The following IL1RAPL2 variants were observed in gnomAD, a reference collection of about 807,000 sequenced individuals.
The protein encoded by IL1RAPL2 is interleukin 1 receptor accessory protein like 2.
Under a neutral mutation model 44.1 loss-of-function variants are expected in IL1RAPL2, and 3 were observed. The ratio of observed to expected loss-of-function variants is 0.07; its 90% CI spans 0.03 to 0.18. The LOEUF is 0.18. Among genes scored for constraint, IL1RAPL2 ranks in the 10% least tolerant of loss-of-function variants. The pLI, the probability that IL1RAPL2 is intolerant of heterozygous loss-of-function variation, is 1.00. For missense variants in IL1RAPL2, 391 were observed against 496.4 expected (o/e 0.79, Z 2.02); for synonymous variants, 181 against 178.8 (o/e 1.01, Z -0.10).
At chrX:104,761,969 CTT>C (rs1569309960) in intron 2 of IL1RAPL2, among the ~76,000 whole-genome samples, 11 of 97,607 alleles carry the variant, frequency 1.1e-4, no homozygotes, top group East Asian at 6.3e-4. Flanking sequence ...TCTTCTTCTT[CTT>C]CTTCTTCTTC....
intron 1 of IL1RAPL2, among the ~76,000 whole-genome samples, chrX:104,604,236 C>A (rs750416265): frequency 9.0e-6 from 1 of 111,616 alleles, no homozygotes; most frequent in African/African-American, 3.3e-5. Context: ...AAATAAAGTC[C>A]GTTACAGACA....
chrX:105,420,795 C>A (rs2035768703), intron 5 of IL1RAPL2, among the ~76,000 whole-genome samples: 1 of 111,119 alleles, frequency 9.0e-6, no homozygotes, highest in African/African-American at 3.3e-5. Context: ...GACTGACAAG[C>A]CCCACTAGCC....
intron 6 of IL1RAPL2, among the ~76,000 whole-genome samples, chrX:105,557,308 GA>G (rs2036903305): frequency 9.0e-6 from 1 of 111,416 alleles, no homozygotes; most frequent in African/African-American, 3.3e-5. Context: ...AGAGACACAG[GA>G]ATAACACAAT....
Position 105,297,596 on chromosome X carries a change from A to G in IL1RAPL2, c.697+30055A>G, listed in dbSNP as rs373689054. Reference sequence around the variant, plus strand: ...GGGAGAAGCGCCAGACACTTATCAAACAACCAGATCTCATGAGAACTCCTT... The same window carrying G: ...GGGAGAAGCGCCAGACACTTATCAAGCAACCAGATCTCATGAGAACTCCTT... On this transcript the variant is annotated intron_variant, in intron 5 of 10. Transcript: ENST00000372582. 6.3e-5 allele frequency among the ~76,000 whole-genome samples: 7 copies of G among 110,687 alleles called. 2 individuals are homozygous for G. The highest frequency in any genetic ancestry group is 2.9e-4 in the Admixed American group (3 of 10,318).
intron 5 of IL1RAPL2, among the ~76,000 whole-genome samples, chrX:105,348,411 A>C (rs1178263309): frequency 8.9e-6 from 1 of 112,198 alleles, no homozygotes; most frequent in East Asian, 2.8e-4. Context: ...AACAGTCACT[A>C]TTTCATAGAG....
rs146033399 is a variant in IL1RAPL2, at chrX:105,295,734, T to C, written c.697+28193T>C. ...GCACATTGGCTCATGATATAAAATA[T>C]ATTTATTACTATGGCTTGTGGTAAA... On this transcript the variant is annotated intron_variant, in intron 5 of 10. Transcript: ENST00000372582. 3.4e-3 allele frequency among the ~76,000 whole-genome samples: 386 copies of C among 112,096 alleles called. 2 individuals are homozygous for C. Among genetic ancestry groups the C allele is most frequent in the African/African-American group, 0.012 (367 of 30,816 alleles).
chrX:105,554,360 T>C (rs1437417452), intron 6 of IL1RAPL2, among the ~76,000 whole-genome samples: 2 of 112,704 alleles, frequency 1.8e-5, no homozygotes, highest in Admixed American at 9.4e-5. Flanking sequence ...TAATTTTTAA[T>C]TTATATAATT....
chrX:104,771,995 C>T (rs974023140), intron 2 of IL1RAPL2, among the ~76,000 whole-genome samples: 1 of 111,721 alleles, frequency 9.0e-6, no homozygotes, highest in Non-Finnish European at 1.9e-5. Context: ...ACATATATCC[C>T]CATTTTGAAG....
At chrX:105,611,543 G>A (rs909522939) in intron 6 of IL1RAPL2, among the ~76,000 whole-genome samples, 1 of 111,539 alleles carries the variant, frequency 9.0e-6, no homozygotes, top group Admixed American at 9.6e-5. Flanking sequence ...TGCAATTGGT[G>A]TTACAATTGC....
chrX:105,383,144 G>A lies in IL1RAPL2; in HGVS notation c.698-101169G>A, dbSNP rs375330715. ...TAAAAAAAAAGAAAATCACATGAAC[G>A]CAAAAATAAAAAAAAAAACTATAGT... On this transcript the variant is annotated intron_variant, in intron 5 of 10. Transcript: ENST00000372582. Among the ~76,000 whole-genome samples, 75 of 107,143 alleles carry A rather than the reference G, an allele frequency of 7.0e-4. 2 individuals carry two copies. Among genetic ancestry groups the A allele is most frequent in the Middle Eastern group, 9.6e-3 (2 of 208 alleles). 93.0% of individuals were successfully genotyped at this position (107,143 alleles called of 115,157 possible).
At chrX:105,530,144 G>T (rs1339577454) in intron 6 of IL1RAPL2, among the ~76,000 whole-genome samples, 1 of 112,164 alleles carries the variant, frequency 8.9e-6, no homozygotes, top group Non-Finnish European at 1.9e-5. Context: ...CCACTTAACT[G>T]TTTTCCACAG....
At chrX:104,943,122 G>A (rs1010272735) in intron 2 of IL1RAPL2, among the ~76,000 whole-genome samples, 4 of 111,169 alleles carry the variant, frequency 3.6e-5, no homozygotes, top group Non-Finnish European at 7.6e-5. Flanking sequence ...ATTTTTCATC[G>A]ATGTTCATCA....
At chrX:105,021,440 G>A (rs1026802804) in intron 2 of IL1RAPL2, among the ~76,000 whole-genome samples, 1 of 110,700 alleles carries the variant, frequency 9.0e-6, no homozygotes, top group Non-Finnish European at 1.9e-5. Context: ...ATGGGTGGCC[G>A]TGGGGCTTAT....
At chrX:105,494,663 C>T (rs747934567) in intron 6 of IL1RAPL2, among the ~76,000 whole-genome samples, 8 of 110,330 alleles carry the variant, frequency 7.3e-5, no homozygotes, top group Non-Finnish European at 1.3e-4. Context: ...AATTTTGGTC[C>T]CTTTTTGGGG....
chrX:105,247,119 G>A (rs1460344957), intron 4 of IL1RAPL2, among the ~76,000 whole-genome samples: 4 of 111,473 alleles, frequency 3.6e-5, no homozygotes, highest in African/African-American at 1.3e-4. Flanking sequence ...CAAGGGATAT[G>A]TGGGAGAGAG....
intron 5 of IL1RAPL2, among the ~76,000 whole-genome samples, chrX:105,288,927 T>C (rs1301541484): frequency 9.0e-6 from 1 of 111,279 alleles, no homozygotes; most frequent in Non-Finnish European, 1.9e-5. Context: ...AGTATGCTTT[T>C]TGGGGTTGTT....
At chrX:105,384,852 T>A (rs767874056) in intron 5 of IL1RAPL2, among the ~76,000 whole-genome samples, 1 of 111,434 alleles carries the variant, frequency 9.0e-6, no homozygotes, top group East Asian at 2.8e-4. Flanking sequence ...TCTTAGGTAA[T>A]TATTTTGTAG....
chrX:104,867,236 C>CAAAA (rs35810207), intron 2 of IL1RAPL2, among the ~76,000 whole-genome samples: 1 of 43,776 alleles, frequency 2.3e-5, no homozygotes, highest in Non-Finnish European at 4.0e-5. Context: ...GTCTCTGTCT[C>CAAAA]AAAAAAAAAA....
chrX:105,668,106 G>T (rs2037786782), intron 6 of IL1RAPL2, among the ~76,000 whole-genome samples: 1 of 106,240 alleles, frequency 9.4e-6, no homozygotes, highest in Non-Finnish European at 1.9e-5. Flanking sequence ...GAACGAGGGG[G>T]TATAAGTCCT....
Sources: allele counts gnomAD v4.1 joint callset (sites outside exome capture counted in the v4.1 genomes callset), GRCh38; gene constraint gnomAD v4.1.1; transcripts MANE v1.5; gene names NCBI Gene and HGNC (gene_info 2026-07-23, HGNC 2026-07-21).